The following RBFOX1 variants were observed in gnomAD, a reference collection of about 807,000 sequenced individuals.
RBFOX1 encodes the protein RNA binding protein fox-1 homolog 1.
RBFOX1 carries 8 observed loss-of-function variants against 57.7 expected under a neutral mutation model. That is an observed-to-expected ratio of 0.14 (90% CI 0.08 to 0.25). The LOEUF (loss-of-function observed/expected upper bound fraction) is 0.25. RBFOX1 is among the 10% of genes least tolerant of loss of function. RBFOX1 has a pLI of 1.00. For missense variants in RBFOX1, 611 were observed against 548.5 expected (o/e 1.11, Z -1.14); for synonymous variants, 326 against 222.4 (o/e 1.47, Z -4.15).
chr16:7,060,645 A>C (rs1032477711), intron 4 of RBFOX1, among the ~76,000 whole-genome samples: 3 of 152,266 alleles, frequency 2.0e-5, no homozygotes, highest in East Asian at 3.9e-4. Context: ...ATCTGTCTAT[A>C]ATGGAAGAAC....
At chr16:6,652,475 G>C (rs192657398) in intron 2 of RBFOX1, among the ~76,000 whole-genome samples, 1 of 151,850 alleles carries the variant, frequency 6.6e-6, no homozygotes, top group East Asian at 1.9e-4. Context: ...CCATGGGTCT[G>C]TCTCCCTTTC....
intron 4 of RBFOX1, among the ~76,000 whole-genome samples, chr16:7,483,011 C>T (rs977024905): frequency 6.6e-6 from 1 of 152,112 alleles, no homozygotes; most frequent in African/African-American, 2.4e-5. Flanking sequence ...TTTCCCAGGT[C>T]ATGAACCTGG....
At chr16:6,448,597 C>A (rs1287824347) in intron 2 of RBFOX1, among the ~76,000 whole-genome samples, 1 of 152,122 alleles carries the variant, frequency 6.6e-6, no homozygotes, top group Non-Finnish European at 1.5e-5. Flanking sequence ...GTTGTGACAA[C>A]CAAAAAATCT....
intron 1 of RBFOX1, among the ~76,000 whole-genome samples, chr16:6,086,468 C>T (rs2096085832): frequency 1.3e-5 from 2 of 151,032 alleles, no homozygotes; most frequent in Admixed American, 6.6e-5. Flanking sequence ...TCTGAGAGTT[C>T]CTGTGACAAC....
At chr16:7,278,011 G>T (rs2095473357) in intron 4 of RBFOX1, among the ~76,000 whole-genome samples, 1 of 151,782 alleles carries the variant, frequency 6.6e-6, no homozygotes, top group Admixed American at 6.6e-5. Context: ...AATTCTGTCA[G>T]TTCCTTATTG....
At chr16:6,242,359 C>T (rs1244955039) in intron 1 of RBFOX1, among the ~76,000 whole-genome samples, 2 of 151,972 alleles carry the variant, frequency 1.3e-5, no homozygotes, top group African/African-American at 2.4e-5. Flanking sequence ...TTGCATTCTG[C>T]TCAAGGTTTT....
intron 1 of RBFOX1, among the ~76,000 whole-genome samples, chr16:6,154,723 TAATG>T (rs2096826787): frequency 6.6e-6 from 1 of 152,194 alleles, no homozygotes. Flanking sequence ...AAATATTAGT[TAATG>T]AATGTTTTAG....
intron 2 of RBFOX1, among the ~76,000 whole-genome samples, chr16:6,645,776 T>C (rs971571215): frequency 2.6e-5 from 4 of 152,160 alleles, no homozygotes; most frequent in Non-Finnish European, 4.4e-5. Context: ...TAACTTGCCA[T>C]ATGCTAAGAC....
chr16:6,156,680 A>T (rs1404139177), intron 1 of RBFOX1, among the ~76,000 whole-genome samples: 1 of 152,024 alleles, frequency 6.6e-6, no homozygotes, highest in Non-Finnish European at 1.5e-5. Context: ...CCAGTGGCCA[A>T]CTCTGCCACT....
In RBFOX1 at chr16:6,941,920, G is replaced by A. The variant is rs60491845; in HGVS notation, c.-15-110137G>A. Among the ~76,000 whole-genome samples the A allele has an allele frequency of 4.8e-3, 731 of 151,986 alleles. 8 individuals carry two copies. The highest frequency in any genetic ancestry group is 0.017 in the African/African-American group (697 of 41,436). ...ATGCCTGTGCTCAAGCAGTCCTCCC[G>A]CTTCAGTCTCCCAAGTAGCTGGGAA... On this transcript the variant is annotated intron_variant, in intron 3 of 15. Coordinates refer to ENST00000550418, the MANE Select transcript of RBFOX1 (RefSeq NM_018723.4).
At position 6,097,996 on chromosome 16, in the gene RBFOX1, A is replaced by G. The variant is rs1170746908; in HGVS notation, c.-127+78004A>G. Among the ~76,000 whole-genome samples, 3 of 152,132 alleles carry G rather than the reference A, an allele frequency of 2.0e-5. No individual in the cohort carries two copies. The highest frequency in any genetic ancestry group is 7.2e-5 in the African/African-American group (3 of 41,418). ...TCTAGGATGGAGCCTGCAATTTTGCATTTGTGACAAGCTCCCACGGATGCT... is the reference window on the plus strand; with the variant it reads ...TCTAGGATGGAGCCTGCAATTTTGCGTTTGTGACAAGCTCCCACGGATGCT... On this transcript the variant is annotated intron_variant, in intron 1 of 15. Coordinates refer to ENST00000550418, the MANE Select transcript of RBFOX1 (RefSeq NM_018723.4). This position sits in a 1 kb window ranked among gnomAD's most constrained non-coding sequence, Gnocchi z 5.0.
At chr16:6,893,324 A>C (rs779575719) in intron 3 of RBFOX1, among the ~76,000 whole-genome samples, 12 of 152,186 alleles carry the variant, frequency 7.9e-5, no homozygotes, top group Admixed American at 6.5e-4. Flanking sequence ...CTAGAGATCA[A>C]ACTCATATAG....
intron 4 of RBFOX1, among the ~76,000 whole-genome samples, chr16:7,397,975 C>A (rs1048994342): frequency 6.6e-6 from 1 of 152,118 alleles, no homozygotes; most frequent in Admixed American, 6.5e-5. Context: ...ATGTTATAAA[C>A]CACCAAGACA....
At chr16:6,957,228 T>C (rs544915050) in intron 3 of RBFOX1, among the ~76,000 whole-genome samples, 47 of 151,714 alleles carry the variant, frequency 3.1e-4, no homozygotes, top group Non-Finnish European at 6.0e-4. Flanking sequence ...GCCTCCCGGG[T>C]TCACGCCATT....
intron 3 of RBFOX1, among the ~76,000 whole-genome samples, chr16:6,708,920 A>AAT (rs754440112): frequency 0.27 from 40,468 of 151,932 alleles, 6,384 homozygotes; most frequent in East Asian, 0.64. Flanking sequence ...CGTCCCCAAC[A>AAT]GCTTAAGCCA....
chr16:5,366,313 A>ATGATGATGATGATTT (rs2065713913), intron 1 of RBFOX1: 1 of 339,784 alleles, frequency 2.9e-6, no homozygotes, highest in Non-Finnish European at 5.6e-6. Flanking sequence ...GATGATGAAG[A>ATGATGATGATGATTT]TGATGATGAT....
chr16:5,499,827 C>T (rs1403801295), intron 2 of RBFOX1, among the ~76,000 whole-genome samples: 2 of 152,140 alleles, frequency 1.3e-5, no homozygotes, highest in African/African-American at 2.4e-5. Context: ...CCTGCCTTGG[C>T]CTCCCAAAGT....
chr16:7,093,201 G>A (rs1205031464), intron 4 of RBFOX1, among the ~76,000 whole-genome samples: 1 of 152,174 alleles, frequency 6.6e-6, no homozygotes, highest in Non-Finnish European at 1.5e-5. Flanking sequence ...ACTGGTCACC[G>A]TGTATCTCAG....
intron 2 of RBFOX1, among the ~76,000 whole-genome samples, chr16:5,553,965 G>A (rs534988285): frequency 4.0e-5 from 5 of 123,798 alleles, no homozygotes; most frequent in African/African-American, 1.1e-4. Context: ...CTTATAACAC[G>A]TATTCTTTTT....
Sources: allele counts gnomAD v4.1 joint callset (sites outside exome capture counted in the v4.1 genomes callset), GRCh38; gene constraint gnomAD v4.1.1; non-coding constraint Gnocchi (gnomAD v3.1); transcripts MANE v1.5; gene names NCBI Gene and HGNC (gene_info 2026-07-23, HGNC 2026-07-21).